HHIPL1: variants seen among roughly 807,000 people sequenced by gnomAD.
HHIPL1 encodes HHIP-like protein 1.
HHIPL1 carries 43 observed loss-of-function variants against 61.8 expected under a neutral mutation model. That is an observed-to-expected ratio of 0.70 (90% CI 0.55 to 0.90). HHIPL1 has a LOEUF of 0.90. Ranked by LOEUF, HHIPL1 falls within the 40% of genes least tolerant of loss-of-function variation. The pLI, the probability that HHIPL1 is intolerant of heterozygous loss-of-function variation, is 0.00. For synonymous variants in HHIPL1, 482 were observed against 515.8 expected (o/e 0.93, Z 0.89); for missense variants, 1,056 against 1,157.7 (o/e 0.91, Z 1.28).
Position 99,675,283 on chromosome 14 carries a change from G to C in HHIPL1, c.2006G>C (p.Arg669Pro). The change falls in exon 9 of 9, where the codon CGG becomes CCG. Residue 669 changes from arginine to proline, a missense_variant. Arg to Pro is a moderately radical substitution (Grantham distance 103, BLOSUM62 -2). Transcript: ENST00000330710. The surrounding 1 kb of genome is among the most constrained non-coding windows in gnomAD (Gnocchi z 5.4). ...GRLNSASRAF[R>P]DGEVRLVRPA... ...CTGAACTCGGCGAGCCGGGCGTTCC[G>C]GGATGGCGAGGTGCGCCTGGTGCGG... The C allele has an allele frequency of 7.9e-7, 1 of 1,269,570 alleles. No individual in the cohort carries two copies. 78.6% of individuals were successfully genotyped at this position (1,269,570 alleles called of 1,614,324 possible).
At chr14:99,666,902 T>C (rs2056254920) in intron 6 of HHIPL1, among the ~76,000 whole-genome samples, 1 of 152,192 alleles carries the variant, frequency 6.6e-6, no homozygotes, top group African/African-American at 2.4e-5. Context: ...CCATCACAGC[T>C]GGGTCTACCC....
At chr14:99,610,510 A>G in the HHIPL1 span, among the ~76,000 whole-genome samples, 1 of 152,194 alleles carries the variant, frequency 6.6e-6, no homozygotes, top group Non-Finnish European at 1.5e-5. Flanking sequence ...CTGTAATCCC[A>G]GCACTTTGGG....
upstream of HHIPL1, among the ~76,000 whole-genome samples, chr14:99,640,649 T>C (rs1466114653): frequency 1.3e-5 from 2 of 152,142 alleles, no homozygotes; most frequent in Non-Finnish European, 2.9e-5. Flanking sequence ...GAGCAGATAC[T>C]ACAGAGGAAA....
upstream of HHIPL1, among the ~76,000 whole-genome samples, chr14:99,644,465 G>T (rs2055794178): frequency 2.6e-5 from 4 of 151,932 alleles, no homozygotes; most frequent in Admixed American, 2.6e-4. Flanking sequence ...TATGTGTGTG[G>T]GGGGGTGGGG....
intron 1 of HHIPL1, among the ~76,000 whole-genome samples, chr14:99,650,600 A>G (rs1474171006): frequency 6.6e-6 from 1 of 152,202 alleles, no homozygotes; most frequent in Non-Finnish European, 1.5e-5. Flanking sequence ...CTCAAACCCC[A>G]GCCCACTGGC....
rs1162903048 is a variant in HHIPL1 at position 99,660,230 on chromosome 14, A to C, written c.1376-50A>C. Reference sequence around the variant, plus strand: ...CCCTCCGGAATTCTCCTGGCTGATGAACCTTCCCGCCGCTGGCTCACCGAA... The same window carrying C: ...CCCTCCGGAATTCTCCTGGCTGATGCACCTTCCCGCCGCTGGCTCACCGAA... On this transcript the variant is annotated intron_variant, in intron 4 of 8. Transcript: ENST00000330710. The surrounding 1 kb of genome is among the most constrained non-coding windows in gnomAD (Gnocchi z 4.9). The C allele has an allele frequency of 1.2e-6, 2 of 1,608,968 alleles. No individual in the cohort carries two copies. Among genetic ancestry groups the C allele is most frequent in the Non-Finnish European group, 1.7e-6 (2 of 1,177,778 alleles).
At chr14:99,655,689 C>T (rs2056017031) in intron 2 of HHIPL1, among the ~76,000 whole-genome samples, 1 of 152,076 alleles carries the variant, frequency 6.6e-6, no homozygotes, top group Non-Finnish European at 1.5e-5. Context: ...CCTAAACCAC[C>T]CTAAGTATTT....
At chr14:99,629,638 C>T in the HHIPL1 span, among the ~76,000 whole-genome samples, 3 of 148,700 alleles carry the variant, frequency 2.0e-5, no homozygotes, top group African/African-American at 7.5e-5. Context: ...GCTGGGATTA[C>T]AGGTGCGTGC....
the HHIPL1 span, chr14:99,604,560 C>G: frequency 1.3e-5 from 2 of 152,154 alleles, no homozygotes; most frequent in Non-Finnish European, 2.9e-5. Flanking sequence ...AGTTTCTGCG[C>G]CCGGAGGACG....
At chr14:99,633,539 G>A in the HHIPL1 span, among the ~76,000 whole-genome samples, 41 of 152,352 alleles carry the variant, frequency 2.7e-4, no homozygotes, top group African/African-American at 9.1e-4. Context: ...GCTAGGGGCC[G>A]TGAAGCTGGG....
chr14:99,607,439 C>A, the HHIPL1 span, among the ~76,000 whole-genome samples: 2 of 152,160 alleles, frequency 1.3e-5, no homozygotes, highest in Non-Finnish European at 2.9e-5. Context: ...AAAGGTGCCC[C>A]ACCAACATTC....
chr14:99,667,041 C>T (rs2056256944), intron 6 of HHIPL1, among the ~76,000 whole-genome samples: 1 of 146,838 alleles, frequency 6.8e-6, no homozygotes, highest in African/African-American at 2.7e-5. Flanking sequence ...TGCTTTCCTC[C>T]AACCTATTAC....
the HHIPL1 span, among the ~76,000 whole-genome samples, chr14:99,618,366 G>A: frequency 2.5e-3 from 379 of 152,338 alleles, no homozygotes; most frequent in Non-Finnish European, 4.4e-3. Flanking sequence ...CACTGGACTG[G>A]TCCGATCCTA....
At chr14:99,674,992 C>A (rs2056369936) in intron 8 of HHIPL1, 99 bp from the exon 9 acceptor site, 2 of 589,138 alleles carry the variant, frequency 3.4e-6, no homozygotes, top group South Asian at 7.2e-5. Flanking sequence ...TTCCCCGAGT[C>A]TGCGCTCTCC....
At chr14:99,657,190 G>C (rs767827629) in intron 3 of HHIPL1, 47 bp downstream of exon 3, 23 of 1,597,984 alleles carry the variant, frequency 1.4e-5, no homozygotes, top group Non-Finnish European at 1.9e-5. Context: ...CCATATCCCT[G>C]GGCTTCTCAT....
At chr14:99,637,056 AAGG>A in the HHIPL1 span, among the ~76,000 whole-genome samples, 1 of 138,476 alleles carries the variant, frequency 7.2e-6, no homozygotes, top group Admixed American at 7.5e-5. Context: ...AGAAGGAAGG[AAGG>A]AAAAAAGAAA....
the HHIPL1 span, among the ~76,000 whole-genome samples, chr14:99,626,866 G>A: frequency 2.5e-4 from 38 of 152,204 alleles, no homozygotes; most frequent in African/African-American, 8.7e-4. Context: ...CTCCCCCCTC[G>A]AAGCATCCCA....
upstream of HHIPL1, among the ~76,000 whole-genome samples, chr14:99,643,445 G>A (rs1035727958): frequency 6.6e-6 from 1 of 152,200 alleles, no homozygotes; most frequent in Non-Finnish European, 1.5e-5. Flanking sequence ...GTATTAGGGT[G>A]AGGATTTATG....
At chr14:99,624,123 G>A in the HHIPL1 span, among the ~76,000 whole-genome samples, 5 of 152,214 alleles carry the variant, frequency 3.3e-5, no homozygotes, top group African/African-American at 4.8e-5. Flanking sequence ...AGAAGGGCCC[G>A]AGGCTTGCCA....
Sources: allele counts gnomAD v4.1 joint callset (sites outside exome capture counted in the v4.1 genomes callset), GRCh38; gene constraint gnomAD v4.1.1; non-coding constraint Gnocchi (gnomAD v3.1); transcripts MANE v1.5; gene names NCBI Gene and HGNC (gene_info 2026-07-23, HGNC 2026-07-21).